The following USH2A variants were observed in gnomAD, a reference collection of about 807,000 sequenced individuals.
USH2A encodes usherin.
In USH2A, 443 loss-of-function variants were observed where a neutral mutation model predicts 538.9. The observed-to-expected ratio is 0.82, with a 90% CI of 0.76 to 0.89. USH2A has a LOEUF of 0.89. Among genes scored for constraint, USH2A ranks in the 40% least tolerant of loss-of-function variants. USH2A has a pLI of 0.00. For synonymous variants in USH2A, 2,413 were observed against 2,273.5 expected (o/e 1.06, Z -1.75); for missense variants, 6,633 against 6,324.8 (o/e 1.05, Z -1.65).
rs765217736 is a variant in USH2A, at chr1:215,970,778, T to C, written c.6806-2A>G. Reference sequence around the variant, plus strand: ...ATAATCCATAACTCGTGATAACACCTGGGAAGATAATAATTGCCTTTCAGT... The same window carrying C: ...ATAATCCATAACTCGTGATAACACCCGGGAAGATAATAATTGCCTTTCAGT... On this transcript the variant is annotated splice_acceptor_variant, in intron 35 of 71. Transcript: ENST00000307340. LOFTEE classifies it high-confidence loss of function. The C allele has an allele frequency of 6.2e-7, 1 of 1,613,264 alleles. No individual in the cohort carries two copies. The highest frequency in any genetic ancestry group is 1.1e-5 in the South Asian group (1 of 91,070).
At chr1:216,250,692 C>T (rs2036140943) in intron 12 of USH2A, among the ~76,000 whole-genome samples, 1 of 152,084 alleles carries the variant, frequency 6.6e-6, no homozygotes, top group African/African-American at 2.4e-5. Flanking sequence ...AAAGAAACTT[C>T]TAAAGGGTTG....
Position 216,248,822 on chromosome 1 carries a change from C to T in USH2A, c.2168-1596G>A, listed in dbSNP as rs184714945. On this transcript the variant is annotated intron_variant, in intron 12 of 71. Coordinates refer to ENST00000307340, the MANE Select transcript of USH2A (RefSeq NM_206933.4). ...ACATATTCCTGACAGGTAATCTATT[C>T]CTAACGATAGTCAGGAAGGCCTACA... Among the ~76,000 whole-genome samples the T allele has an allele frequency of 9.5e-4, 144 of 152,136 alleles. 1 individual carries two copies. The South Asian group carries it at 0.013, about 14-fold the overall frequency.
intron 61 of USH2A, among the ~76,000 whole-genome samples, chr1:215,727,490 G>A (rs1659858823): frequency 6.6e-6 from 1 of 152,166 alleles, no homozygotes; most frequent in Non-Finnish European, 1.5e-5. Flanking sequence ...ACTTTGGGAG[G>A]CTGAGGCAGG....
At chr1:216,030,165 A>G (rs1408587902) in intron 32 of USH2A, among the ~76,000 whole-genome samples, 2 of 143,246 alleles carry the variant, frequency 1.4e-5, no homozygotes, top group East Asian at 2.0e-4. Context: ...ATATAGATAT[A>G]CATAACAGAT....
intron 44 of USH2A, among the ~76,000 whole-genome samples, chr1:215,861,301 A>G (rs1185566974): frequency 6.6e-6 from 1 of 152,358 alleles, no homozygotes; most frequent in East Asian, 1.9e-4. Context: ...ATCATTTTAT[A>G]TTTAGTTAAA....
In USH2A at chr1:216,266,814, G is replaced by A. The variant is rs115140033; in HGVS notation, c.1972-15716C>T. On this transcript the variant is annotated intron_variant, in intron 11 of 71. Coordinates refer to ENST00000307340, the MANE Select transcript of USH2A (RefSeq NM_206933.4). ...ATAGAAAACTAAATAGACAAGCAAA[G>A]GAATTATTGAATCTAGGAAGAATGA... is the stretch of plus-strand genomic sequence containing the variant. Among the ~76,000 whole-genome samples, 591 of 151,868 alleles carry A rather than the reference G, an allele frequency of 3.9e-3. 5 individuals are homozygous for A. The highest frequency in any genetic ancestry group is 0.014 in the African/African-American group (560 of 41,412).
intron 38 of USH2A, among the ~76,000 whole-genome samples, chr1:215,927,674 C>T (rs527701152): frequency 6.6e-6 from 1 of 152,164 alleles, no homozygotes; most frequent in East Asian, 1.9e-4. Context: ...GCTCTGCTCA[C>T]TACCTGGGCA....
intron 30 of USH2A, among the ~76,000 whole-genome samples, chr1:216,058,273 C>A (rs1018991483): frequency 2.0e-5 from 3 of 148,786 alleles, no homozygotes; most frequent in Non-Finnish European, 3.0e-5. Flanking sequence ...TTCTCAGTAT[C>A]TCAAGTGAAA....
chr1:216,392,590 A>T (rs534964360), intron 3 of USH2A, among the ~76,000 whole-genome samples: 1 of 151,986 alleles, frequency 6.6e-6, no homozygotes, highest in South Asian at 2.1e-4. Context: ...TCTCTCAGGG[A>T]ATCTCTGTTA....
At chr1:215,719,122 G>T (rs1041562941) in intron 61 of USH2A, among the ~76,000 whole-genome samples, 51 of 152,098 alleles carry the variant, frequency 3.4e-4, no homozygotes, top group Admixed American at 1.3e-4. Context: ...GAATCCATTT[G>T]TATGATTTGA....
At chr1:216,261,074 T>A (rs2036361278) in intron 11 of USH2A, among the ~76,000 whole-genome samples, 1 of 151,950 alleles carries the variant, frequency 6.6e-6, no homozygotes. Context: ...GCAAAATTCA[T>A]CAAATGTGCA....
intron 64 of USH2A, among the ~76,000 whole-genome samples, chr1:215,656,649 G>A (rs563176766): frequency 1.3e-5 from 2 of 152,332 alleles, no homozygotes; most frequent in East Asian, 3.9e-4. Flanking sequence ...TACAAGAGTT[G>A]TATTAGTAAA....
chr1:215,978,155 CTTACT>C (rs1667666182), intron 35 of USH2A, among the ~76,000 whole-genome samples: 1 of 152,114 alleles, frequency 6.6e-6, no homozygotes. Flanking sequence ...GTTCTGATCA[CTTACT>C]TTGAGACAGA....
chr1:216,050,616 T>TC (rs1558231973), intron 30 of USH2A, among the ~76,000 whole-genome samples: 88 of 47,308 alleles, frequency 1.9e-3, no homozygotes, highest in Middle Eastern at 0.011. Flanking sequence ...TTTTTTTTTT[T>TC]TTTTTTGAGA....
rs1571922634 is a variant in USH2A at position 215,639,185 on chromosome 1, A to G, written c.15022T>C (p.Leu5008=). ...CCAGTAGAGGTATCATATTGGATCAACGGCGTCTTAACACTTCCTTCGTCA... is the reference window on the plus strand; with the variant it reads ...CCAGTAGAGGTATCATATTGGATCAGCGGCGTCTTAACACTTCCTTCGTCA... ...TTDEGSVKTP[L]IQYDTSTGLG... Residue 5008 remains leucine, a synonymous_variant, in exon 69 of 72, where the codon TTG becomes CTG. Transcript: ENST00000307340. The G allele has an allele frequency of 6.2e-7, 1 of 1,614,174 alleles. No homozygotes were observed. The highest frequency in any genetic ancestry group is 8.5e-7 in the Non-Finnish European group (1 of 1,180,020).
At chr1:215,884,982 G>A (rs1463643286) in intron 41 of USH2A, among the ~76,000 whole-genome samples, 1 of 151,888 alleles carries the variant, frequency 6.6e-6, no homozygotes, top group African/African-American at 2.4e-5. Flanking sequence ...GGGCATCAAG[G>A]TTTACAGGCT....
intron 30 of USH2A, among the ~76,000 whole-genome samples, chr1:216,057,022 C>T (rs1255962827): frequency 6.6e-6 from 1 of 152,180 alleles, no homozygotes; most frequent in Non-Finnish European, 1.5e-5. Flanking sequence ...TTGATTATCA[C>T]TGTAGAACAA....
chr1:216,024,670 A>AT (rs2102504993), intron 32 of USH2A, among the ~76,000 whole-genome samples: 1 of 152,106 alleles, frequency 6.6e-6, no homozygotes, highest in East Asian at 1.9e-4. Context: ...TCCTTCATTT[A>AT]TTAATTCCAT....
At chr1:216,216,238 C>T (rs906425205) in intron 15 of USH2A, among the ~76,000 whole-genome samples, 2 of 152,018 alleles carry the variant, frequency 1.3e-5, no homozygotes, top group Non-Finnish European at 2.9e-5. Flanking sequence ...AGTTCTTTCC[C>T]AAAAGAAGCA....
Sources: allele counts gnomAD v4.1 joint callset (sites outside exome capture counted in the v4.1 genomes callset), GRCh38; gene constraint gnomAD v4.1.1; transcripts MANE v1.5; gene names NCBI Gene and HGNC (gene_info 2026-07-23, HGNC 2026-07-21).